Variants in ELF5 observed in about 807,000 individuals in gnomAD.
The protein encoded by ELF5 is E74 like ETS transcription factor 5, also known as ETS-related transcription factor Elf-5.
In ELF5, 31 loss-of-function variants were observed where a neutral mutation model predicts 38.2. The observed-to-expected ratio is 0.81, with a 90% CI of 0.61 to 1.10. The LOEUF is 1.10. Ranked by LOEUF, ELF5 falls within the 50% of genes least tolerant of loss-of-function variation. The pLI, the probability that ELF5 is intolerant of heterozygous loss-of-function variation, is 0.00. For missense variants in ELF5, 300 were observed against 306.6 expected (o/e 0.98, Z 0.16); for synonymous variants, 121 against 112.5 (o/e 1.08, Z -0.48).
chr11:34,499,092 C>CAAA (rs202065953), intron 2 of ELF5, among the ~76,000 whole-genome samples: 1 of 143,616 alleles, frequency 7.0e-6, no homozygotes. Flanking sequence ...ACTCCATTTC[C>CAAA]AAAAAAAAAA....
intron 6 of ELF5, 114 bp downstream of exon 6, chr11:34,480,658 C>T: frequency 8.2e-7 from 1 of 1,217,616 alleles, no homozygotes; most frequent in Non-Finnish European, 1.1e-6. Flanking sequence ...AGTTTTGTCT[C>T]ATGACCTTTC....
At position 34,495,596 on chromosome 11, in the gene ELF5, G is replaced by T. The variant is rs1048819696; in HGVS notation, c.122-1884C>A. Among the ~76,000 whole-genome samples the T allele has an allele frequency of 3.9e-4, 59 of 152,358 alleles. 1 individual carries two copies. Among genetic ancestry groups the T allele is most frequent in the African/African-American group, 1.4e-3 (58 of 41,582 alleles). ...TCTCTTTTACCACCGAAGGGTGGGT[G>T]GAGGGGCAGTTGATTTATTTTATTT... On this transcript the variant is annotated intron_variant, in intron 2 of 6. Transcript: ENST00000257832.
intron 2 of ELF5, among the ~76,000 whole-genome samples, chr11:34,496,972 A>G (rs991519754): frequency 2.6e-5 from 4 of 152,230 alleles, no homozygotes; most frequent in African/African-American, 9.6e-5. Flanking sequence ...CAAGATTTGG[A>G]TGAAGGTAGA....
At chr11:34,488,839 A>C (rs1424103072) in intron 4 of ELF5, among the ~76,000 whole-genome samples, 1 of 152,244 alleles carries the variant, frequency 6.6e-6, no homozygotes, top group Non-Finnish European at 1.5e-5. Flanking sequence ...CTTTGGCCAC[A>C]GTAATGTCTC....
chr11:34,511,966 GA>G (rs1336265717), intron 1 of ELF5: 1 of 177,376 alleles, frequency 5.6e-6, no homozygotes, highest in Non-Finnish European at 1.2e-5. Context: ...GCAAAATATA[GA>G]AAAAAGTGGC....
At chr11:34,489,171 C>T (rs572695818) in intron 4 of ELF5, among the ~76,000 whole-genome samples, 26 of 152,342 alleles carry the variant, frequency 1.7e-4, no homozygotes, top group Middle Eastern at 3.4e-3. Flanking sequence ...AAACGAAAAA[C>T]GAAATTCCAA....
At chr11:34,495,140 A>T (rs768694602) in intron 2 of ELF5, among the ~76,000 whole-genome samples, 4 of 152,164 alleles carry the variant, frequency 2.6e-5, no homozygotes, top group African/African-American at 4.8e-5. Context: ...TCCCCACACC[A>T]CCATACCGGG....
At chr11:34,491,563 A>T (rs1850171101) in intron 3 of ELF5, 1 of 151,872 alleles carries the variant, frequency 6.6e-6, no homozygotes, top group African/African-American at 2.4e-5. Flanking sequence ...TGGGGTAATA[A>T]AACCAGGGAC....
In ELF5 at chr11:34,478,997, G is replaced by C. The variant is rs1856863467; in HGVS notation, c.*1221C>G. 6.6e-6 allele frequency: 1 copy of C among 152,654 alleles called. No homozygotes were observed. Among genetic ancestry groups the C allele is most frequent in the Admixed American group, 6.5e-5 (1 of 15,282 alleles). 9.5% of individuals were successfully genotyped at this position (152,654 alleles called of 1,614,324 possible). On this transcript the variant is annotated 3_prime_UTR_variant, in exon 7 of 7. Coordinates refer to ENST00000257832, the MANE Select transcript of ELF5 (RefSeq NM_001422.4). Reference sequence around the variant, plus strand: ...CTGCTCTGGTGAAACAGAAGTCCTAGGGGCAGTCCACCTAGCTGTCAGTCA... The same window carrying C: ...CTGCTCTGGTGAAACAGAAGTCCTACGGGCAGTCCACCTAGCTGTCAGTCA...
Position 34,480,141 on chromosome 11 carries a change from G to T in ELF5, c.*77C>A. 8.6e-7 allele frequency: 1 copy of T among 1,169,396 alleles called. No individual in the cohort carries two copies. Among genetic ancestry groups the T allele is most frequent in the Non-Finnish European group, 1.2e-6 (1 of 802,398 alleles). 72.4% of individuals were successfully genotyped at this position (1,169,396 alleles called of 1,614,324 possible). On this transcript the variant is annotated 3_prime_UTR_variant, in exon 7 of 7. Coordinates refer to ENST00000257832, the MANE Select transcript of ELF5 (RefSeq NM_001422.4). ...TTAAAAAAAAAGAGAAGAAAATGAA[G>T]CCTTTCGAATGTCTATTGCAATCTG...
chr11:34,484,366 C>T (rs12288819), intron 4 of ELF5, among the ~76,000 whole-genome samples: 136,287 of 151,240 alleles, frequency 0.9, 61,563 homozygotes, highest in Middle Eastern at 0.97. Context: ...AACTAGACTG[C>T]ACTAACTATA....
At position 34,482,469 on chromosome 11, in the gene ELF5, C is replaced by G; in HGVS notation, c.437G>C (p.Gly146Ala). The change falls in exon 5 of 7, where the codon GGC becomes GCC. Residue 146 changes from glycine (G) to alanine (A), a missense_variant. Coordinates refer to ENST00000257832, the MANE Select transcript of ELF5 (RefSeq NM_001422.4). The part of the protein sequence containing the change: ...YADSNCLKTS[G>A]IKSQDCHSHS... Reference sequence around the variant, plus strand: ...ACTGTGACAGTCTTGACTTTTGATGCCACTTGTTTTCAAGCAGTTGGAATC... The same window carrying G: ...ACTGTGACAGTCTTGACTTTTGATGGCACTTGTTTTCAAGCAGTTGGAATC... The G allele has an allele frequency of 6.2e-7, 1 of 1,612,734 alleles. No homozygotes were observed. The highest frequency in any genetic ancestry group is 8.5e-7 in the Non-Finnish European group (1 of 1,179,646).
rs183359957 is a variant in ELF5, at chr11:34,483,106, C to T, written c.407-607G>A. On this transcript the variant is annotated intron_variant, in intron 4 of 6. Transcript: ENST00000257832. Reference sequence around the variant, plus strand: ...TTGCCCCAGCCACCCTGGCTTCAGGCTCTCCAGAAACGTGCAGGCACATTC... The same window carrying T: ...TTGCCCCAGCCACCCTGGCTTCAGGTTCTCCAGAAACGTGCAGGCACATTC... 1.8e-4 allele frequency among the ~76,000 whole-genome samples: 27 copies of T among 152,020 alleles called. No homozygotes were observed. The Middle Eastern group carries it at 0.01, about 57-fold the overall frequency.
chr11:34,509,540 A>G (rs893880832), intron 1 of ELF5, among the ~76,000 whole-genome samples: 14 of 151,714 alleles, frequency 9.2e-5, no homozygotes, highest in African/African-American at 3.2e-4. Context: ...TGGGAGCCCA[A>G]TCAAACAGAT....
chr11:34,502,733 G>A (rs753868940), intron 2 of ELF5, among the ~76,000 whole-genome samples: 2 of 152,182 alleles, frequency 1.3e-5, no homozygotes, highest in African/African-American at 2.4e-5. Context: ...GGCCAGTCTC[G>A]AAGGCTATTT....
chr11:34,504,413 G>A (rs1478951690), intron 2 of ELF5, among the ~76,000 whole-genome samples: 1 of 152,036 alleles, frequency 6.6e-6, no homozygotes, highest in Admixed American at 6.5e-5. Flanking sequence ...GTGTGTGTGT[G>A]CACGCGTGTG....
intron 4 of ELF5, among the ~76,000 whole-genome samples, chr11:34,483,365 C>T (rs187214219): frequency 5.9e-5 from 9 of 152,030 alleles, no homozygotes; most frequent in East Asian, 1.9e-4. Context: ...TCTGTGCACA[C>T]GAGGGGGCAG....
At chr11:34,481,818 T>C (rs973852470) in intron 5 of ELF5, among the ~76,000 whole-genome samples, 4 of 152,212 alleles carry the variant, frequency 2.6e-5, no homozygotes, top group Non-Finnish European at 5.9e-5. Context: ...GCTTCATCTA[T>C]AAAATGGGAT....
At chr11:34,505,836 T>G in intron 1 of ELF5, 83 bp from the exon 2 acceptor site, 2 of 1,472,764 alleles carry the variant, frequency 1.4e-6, no homozygotes, top group Non-Finnish European at 1.8e-6. Context: ...AGCAGGGCGA[T>G]ACTTGTTTTT....
Sources: gnomAD v4.1 joint callset for allele counts (sites outside exome capture counted in the v4.1 genomes callset) on GRCh38, gnomAD v4.1.1 for gene constraint, MANE v1.5 for transcripts, NCBI Gene and HGNC (gene_info 2026-07-23, HGNC 2026-07-21) for gene names.